TUT7: variants seen among roughly 807,000 people sequenced by gnomAD.
The protein encoded by TUT7 is terminal uridylyl transferase 7, also known as terminal uridylyltransferase 7.
A neutral mutation model predicts 165.9 loss-of-function variants in TUT7; 33 were observed. That is an observed-to-expected ratio of 0.20 (90% CI 0.15 to 0.27). The LOEUF (loss-of-function observed/expected upper bound fraction) is 0.27. Ranked by LOEUF, TUT7 falls within the 10% of genes least tolerant of loss-of-function variation. The pLI is 1.00. For synonymous variants in TUT7, 552 were observed against 608.1 expected (o/e 0.91, Z 1.36); for missense variants, 1,338 against 1,762.3 (o/e 0.76, Z 4.31).
chr9:86,341,192 A>G (rs944899346), intron 6 of TUT7, 139 bp from the exon 7 acceptor site: 2 of 718,806 alleles, frequency 2.8e-6, no homozygotes, highest in African/African-American at 3.6e-5. Flanking sequence ...ATTACTCACT[A>G]TGTTGTTTGC....
At chr9:86,337,236 C>A in intron 10 of TUT7, 183 bp downstream of exon 10, 1 of 680,138 alleles carries the variant, frequency 1.5e-6, no homozygotes, top group South Asian at 2.1e-5. Context: ...GGTTATAGGG[C>A]AACATACTGA....
chr9:86,326,860 C>G (rs1243276817), intron 11 of TUT7, among the ~76,000 whole-genome samples: 1 of 152,184 alleles, frequency 6.6e-6, no homozygotes, highest in Non-Finnish European at 1.5e-5. Flanking sequence ...CATGATTAAT[C>G]TTTCCAAATA....
At chr9:86,345,218 T>A in intron 4 of TUT7, 64 bp from the exon 5 acceptor site, 1 of 1,477,006 alleles carries the variant, frequency 6.8e-7, no homozygotes, top group African/African-American at 1.4e-5. Flanking sequence ...CTACCACTCA[T>A]GAAGACAACA....
At position 86,309,466 on chromosome 9, in the gene TUT7, T is replaced by C. The variant is rs752502226; in HGVS notation, c.3579A>G (p.Gln1193=). 1.7e-5 allele frequency: 27 copies of C among 1,607,860 alleles called. No individual in the cohort carries two copies. The highest frequency in any genetic ancestry group is 2.2e-5 in the East Asian group (1 of 44,830). ...QRNPPVIPVL[Q]EIYKGEKKPE... ...ATACAATTTCATTCACTAATACCTC[T>C]TGAAGGACAGGAATGACTGGTGGAT... The change falls in exon 20 of 27, where the codon CAA becomes CAG. Residue 1193 remains glutamine (Q), a synonymous_variant. Coordinates refer to ENST00000375963, the MANE Select transcript of TUT7 (RefSeq NM_024617.4).
At chr9:86,292,995 A>G (rs766903196) in intron 26 of TUT7, among the ~76,000 whole-genome samples, 1 of 152,204 alleles carries the variant, frequency 6.6e-6, no homozygotes, top group Non-Finnish European at 1.5e-5. Flanking sequence ...TAAAAAAACA[A>G]AAGTACTAGA....
chr9:86,323,242 G>A lies in TUT7; in HGVS notation c.2508C>T (p.Gly836=). 1.2e-6 allele frequency: 2 copies of A among 1,614,008 alleles called. No homozygotes were observed. The highest frequency in any genetic ancestry group is 1.7e-6 in the Non-Finnish European group (2 of 1,180,006). Reference sequence around the variant, plus strand: ...CAGAGGGAATCATTTCTGATGTCTGGCCCTGTACTGAGTGGGTAAAGTGGT... The same window carrying A: ...CAGAGGGAATCATTTCTGATGTCTGACCCTGTACTGAGTGGGTAAAGTGGT... ...SLNHFTHSVQ[G]QTSEMIPSDE... Residue 836 remains glycine (G), a synonymous_variant, in exon 13 of 27, where the codon GGC becomes GGT. Coordinates refer to ENST00000375963, the MANE Select transcript of TUT7 (RefSeq NM_024617.4).
intron 2 of TUT7, among the ~76,000 whole-genome samples, chr9:86,351,010 T>C (rs1353938095): frequency 6.6e-6 from 1 of 151,840 alleles, no homozygotes; most frequent in African/African-American, 2.4e-5. Context: ...GGTGTGCACC[T>C]GTAGTCCCAG....
chr9:86,309,366 AAAAAATTAACTAC>A, intron 20 of TUT7, 77 bp from the exon 21 acceptor site: 1 of 1,425,220 alleles, frequency 7.0e-7, no homozygotes, highest in Admixed American at 2.1e-5. Context: ...GAAAATAGGT[AAAAAATTAACTAC>A]AGAACCACAG....
Position 86,301,401 on chromosome 9 carries a change from A to G in TUT7, c.4295T>C (p.Ile1432Thr), listed in dbSNP as rs1564028526. The G allele has an allele frequency of 6.2e-7, 1 of 1,613,998 alleles. No homozygotes were observed. Reference sequence around the variant, plus strand: ...CCATTTTTCTACTGGTGGCCTGAGGATCTTCTCCCTCCCCAGGTCAGCAGC... The same window carrying G: ...CCATTTTTCTACTGGTGGCCTGAGGGTCTTCTCCCTCCCCAGGTCAGCAGC... ...RAAADLGREK[I>T]LRPPVEKWKR... The change falls in exon 26 of 27, where the codon ATC becomes ACC. Residue 1432 changes from isoleucine to threonine, a missense_variant. Transcript: ENST00000375963.
At chr9:86,290,686 C>CAAAAAAAAAAAAA (rs749800073) in intron 26 of TUT7, among the ~76,000 whole-genome samples, 2 of 54,768 alleles carry the variant, frequency 3.7e-5, no homozygotes, top group African/African-American at 1.2e-4. Flanking sequence ...TACTAAAATA[C>CAAAAAAAAAAAAA]AAAAAAAAAA....
intron 22 of TUT7, 47 bp from the exon 23 acceptor site, chr9:86,305,286 G>C: frequency 7.8e-7 from 1 of 1,277,372 alleles, no homozygotes; most frequent in Non-Finnish European, 1.1e-6. Context: ...AATAGAAAAT[G>C]CCACCATTCA....
At chr9:86,317,409 G>T in intron 16 of TUT7, 133 bp from the exon 17 acceptor site, 1 of 738,902 alleles carries the variant, frequency 1.4e-6, no homozygotes, top group Non-Finnish European at 2.2e-6. Context: ...TTCCTTTCTA[G>T]TTGGGTATTA....
intron 7 of TUT7, 70 bp downstream of exon 7, chr9:86,340,932 G>C (rs1831270457): frequency 1.6e-6 from 2 of 1,237,314 alleles, no homozygotes; most frequent in Admixed American, 1.9e-5. Flanking sequence ...TATTTTCAAA[G>C]TTTGAGAAAT....
intron 3 of TUT7, 34 bp from the exon 4 acceptor site, chr9:86,345,819 A>G (rs763338182): frequency 3.5e-6 from 5 of 1,447,710 alleles, no homozygotes; most frequent in Non-Finnish European, 4.8e-6. Context: ...AGAGAGAGAC[A>G]TAAGTAAAAC....
In TUT7 at chr9:86,288,591, A is replaced by T; in HGVS notation, c.*86T>A. 1.0e-6 allele frequency: 1 copy of T among 991,040 alleles called. No individual in the cohort carries two copies. Among genetic ancestry groups the T allele is most frequent in the Admixed American group, 2.1e-5 (1 of 48,602 alleles). The allele number at this position is 991,040 out of a possible 1,614,324, so 61.4% of individuals were successfully genotyped here. On this transcript the variant is annotated 3_prime_UTR_variant, in exon 27 of 27. Coordinates refer to ENST00000375963, the MANE Select transcript of TUT7 (RefSeq NM_024617.4). ...AATGTTAAGTTGAAGCCTGATCTACACTGCTGTGTCCTGTGAAATGAACCT... is the reference window on the plus strand; with the variant it reads ...AATGTTAAGTTGAAGCCTGATCTACTCTGCTGTGTCCTGTGAAATGAACCT...
Position 86,304,848 on chromosome 9 carries a change from A to G in TUT7, c.3978+8T>C. 1 of 1,585,290 alleles carries G rather than the reference A, an allele frequency of 6.3e-7. No individual in the cohort carries two copies. Among genetic ancestry groups the G allele is most frequent in the Non-Finnish European group, 8.6e-7 (1 of 1,162,416 alleles). ...TTTTTTATTTTTTGGTATTTCCAAC[A>G]CACTTACCATTTTTGAGGGGTAGTC... On this transcript the variant is annotated splice_region_variant and intron_variant, in intron 24 of 26. Transcript: ENST00000375963.
intron 16 of TUT7, 148 bp from the exon 17 acceptor site, chr9:86,317,424 C>G (rs1029765792): frequency 3.1e-6 from 2 of 642,964 alleles, no homozygotes; most frequent in Non-Finnish European, 5.4e-6. Flanking sequence ...GTATTAGAGT[C>G]AGTATTCACA....
intron 17 of TUT7, among the ~76,000 whole-genome samples, 164 bp downstream of exon 17, chr9:86,317,055 T>A (rs893139110): frequency 6.6e-6 from 1 of 151,256 alleles, no homozygotes. Flanking sequence ...CCATTTTATA[T>A]AAGGAACTTG....
At chr9:86,304,242 GAAT>G (rs1366089125) in intron 24 of TUT7, among the ~76,000 whole-genome samples, 1 of 152,074 alleles carries the variant, frequency 6.6e-6, no homozygotes, top group Non-Finnish European at 1.5e-5. Flanking sequence ...TTAAAAATAA[GAAT>G]AAAAAGTATA....
Sources: gnomAD v4.1 joint callset for allele counts (sites outside exome capture counted in the v4.1 genomes callset) on GRCh38, gnomAD v4.1.1 for gene constraint, MANE v1.5 for transcripts, NCBI Gene and HGNC (gene_info 2026-07-23, HGNC 2026-07-21) for gene names.